The following ZNF704 variants were observed in gnomAD, a reference collection of about 807,000 sequenced individuals.
ZNF704 encodes the protein zinc finger protein 704.
A neutral mutation model predicts 44.7 loss-of-function variants in ZNF704; 10 were observed. The observed-to-expected ratio is 0.22, with a 90% CI of 0.14 to 0.38. The LOEUF (loss-of-function observed/expected upper bound fraction) is 0.38. Among genes scored for constraint, ZNF704 ranks in the 10% least tolerant of loss-of-function variants. ZNF704 has a pLI of 1.00. For missense variants in ZNF704, 390 were observed against 545.5 expected (o/e 0.71, Z 2.84); for synonymous variants, 211 against 207.6 (o/e 1.02, Z -0.14).
At position 80,774,566 on chromosome 8, in the gene ZNF704, T is replaced by C. The variant is rs536192216; in HGVS notation, c.221+46808A>G. On this transcript the variant is annotated intron_variant, in intron 2 of 8. Coordinates refer to ENST00000327835, the MANE Select transcript of ZNF704 (RefSeq NM_001033723.3). ...CCCCACACAGTCTCTGCTCACACCA[T>C]GAAGGGAAAGGGGTAATTACTGCCC... 2.6e-5 allele frequency among the ~76,000 whole-genome samples: 4 copies of C among 152,268 alleles called. No individual in the cohort carries two copies. The East Asian group carries it at 7.7e-4, about 29-fold the overall frequency.
chr8:80,841,444 A>G (rs1257064717), intron 1 of ZNF704, among the ~76,000 whole-genome samples: 3 of 151,852 alleles, frequency 2.0e-5, no homozygotes, highest in South Asian at 2.1e-4. Flanking sequence ...CCCCCAACAC[A>G]TATTTTTCAA....
intron 2 of ZNF704, among the ~76,000 whole-genome samples, chr8:80,702,685 G>A (rs185836428): frequency 2.0e-5 from 3 of 152,166 alleles, no homozygotes; most frequent in African/African-American, 7.2e-5. Flanking sequence ...AAGCGAAGGC[G>A]AGATGGAAGA....
intron 2 of ZNF704, among the ~76,000 whole-genome samples, chr8:80,769,678 T>A (rs1807286250): frequency 6.6e-6 from 1 of 152,214 alleles, no homozygotes; most frequent in Admixed American, 6.6e-5. Flanking sequence ...CATACTGCTA[T>A]CAGCATTTTT....
chr8:80,873,172 C>T (rs989437646), intron 1 of ZNF704, among the ~76,000 whole-genome samples: 6 of 152,136 alleles, frequency 3.9e-5, no homozygotes, highest in Admixed American at 3.9e-4. Flanking sequence ...AATAAAATCT[C>T]ACTCTCCCCT....
chr8:80,709,441 TCAAAAAAAAAAAAAAAAAAAAA>T (rs1470413275), intron 2 of ZNF704, among the ~76,000 whole-genome samples: 2 of 33,352 alleles, frequency 6.0e-5, no homozygotes, highest in African/African-American at 1.5e-4. Flanking sequence ...AGACTCCATC[TCAAAAAAAAAAAAAAAAAAAAA>T]AAAAAAAAAA....
intron 2 of ZNF704, among the ~76,000 whole-genome samples, chr8:80,815,407 G>C (rs941859320): frequency 6.6e-6 from 1 of 152,078 alleles, no homozygotes; most frequent in African/African-American, 2.4e-5. Context: ...TTGATGTTTG[G>C]GTGAAATCCA....
intron 6 of ZNF704, among the ~76,000 whole-genome samples, 155 bp downstream of exon 6, chr8:80,664,660 T>C (rs1361039177): frequency 6.6e-6 from 1 of 152,144 alleles, no homozygotes. Context: ...CCTATCTGTG[T>C]GAGATCTTAG....
At chr8:80,692,957 T>A (rs1818664605) in intron 3 of ZNF704, 47 bp downstream of exon 3, 2 of 1,535,098 alleles carry the variant, frequency 1.3e-6, no homozygotes, top group South Asian at 2.3e-5. Flanking sequence ...AAGGCCCTGC[T>A]CTTGGTGTCA....
At chr8:80,708,334 T>C (rs1818928765) in intron 2 of ZNF704, among the ~76,000 whole-genome samples, 1 of 152,226 alleles carries the variant, frequency 6.6e-6, no homozygotes, top group South Asian at 2.1e-4. Context: ...AGTTTACCGC[T>C]GGGCATAACA....
intron 3 of ZNF704, among the ~76,000 whole-genome samples, chr8:80,689,045 T>G (rs1818588975): frequency 6.6e-6 from 1 of 152,258 alleles, no homozygotes; most frequent in Non-Finnish European, 1.5e-5. Context: ...CGACCTTAAT[T>G]AGCATTTATA....
intron 2 of ZNF704, among the ~76,000 whole-genome samples, chr8:80,758,012 A>G (rs1807065698): frequency 6.6e-6 from 1 of 152,134 alleles, no homozygotes; most frequent in African/African-American, 2.4e-5. Flanking sequence ...TTTCTTTCTT[A>G]TACCTATGGC....
At chr8:80,758,142 C>G (rs1252660936) in intron 2 of ZNF704, among the ~76,000 whole-genome samples, 2 of 152,172 alleles carry the variant, frequency 1.3e-5, no homozygotes, top group Non-Finnish European at 2.9e-5. Context: ...TCACTGTCAT[C>G]GGAAGTATTT....
intron 2 of ZNF704, among the ~76,000 whole-genome samples, chr8:80,795,986 T>C (rs1002371361): frequency 6.6e-6 from 1 of 152,208 alleles, no homozygotes; most frequent in Non-Finnish European, 1.5e-5. Flanking sequence ...CAACTGATTT[T>C]CACTGCTCCA....
At chr8:80,656,695 C>T (rs1266258774) in intron 7 of ZNF704, among the ~76,000 whole-genome samples, 1 of 152,134 alleles carries the variant, frequency 6.6e-6, no homozygotes, top group Non-Finnish European at 1.5e-5. Context: ...AATCCTGCAA[C>T]CCTTGGGATT....
chr8:80,652,466 C>T (rs200879226), intron 7 of ZNF704, among the ~76,000 whole-genome samples: 2 of 151,462 alleles, frequency 1.3e-5, no homozygotes, highest in Non-Finnish European at 2.9e-5. Context: ...ATAGACGCAA[C>T]AAAAAATGAT....
intron 2 of ZNF704, among the ~76,000 whole-genome samples, chr8:80,727,808 G>C (rs749221409): frequency 6.6e-6 from 1 of 152,110 alleles, no homozygotes; most frequent in Non-Finnish European, 1.5e-5. Flanking sequence ...AATTAGCATC[G>C]GTATTTCTAG....
rs1387062359 is a variant in ZNF704 at position 80,638,420 on chromosome 8, C to T, written c.*2946G>A. ...TGAGCTCCCTGCGGTGGCCAGGGCT[C>T]CAGTTCCACTGCCAGCCTGCTGTGG... is the stretch of plus-strand genomic sequence containing the variant. On this transcript the variant is annotated 3_prime_UTR_variant, in exon 9 of 9. Coordinates refer to ENST00000327835, the MANE Select transcript of ZNF704 (RefSeq NM_001033723.3). The T allele has an allele frequency of 6.6e-6, 1 of 152,572 alleles. No individual in the cohort carries two copies. 9.5% of individuals were successfully genotyped at this position (152,572 alleles called of 1,614,324 possible).
Position 80,687,178 on chromosome 8 carries a change from G to A in ZNF704, c.558+48C>T, listed in dbSNP as rs750541092. ...ACCGGCCCTTCAGAGGGGACAGAAAGCACCTTCAGGAAACTGAATGCAGAA... is the reference window on the plus strand; with the variant it reads ...ACCGGCCCTTCAGAGGGGACAGAAAACACCTTCAGGAAACTGAATGCAGAA... On this transcript the variant is annotated intron_variant, in intron 4 of 8. Coordinates refer to ENST00000327835, the MANE Select transcript of ZNF704 (RefSeq NM_001033723.3). 1.4e-5 allele frequency: 21 copies of A among 1,544,096 alleles called. No individual in the cohort carries two copies. The South Asian group carries it at 2.0e-4, about 15-fold the overall frequency.
At chr8:80,832,251 T>C (rs914628881) in intron 1 of ZNF704, among the ~76,000 whole-genome samples, 1 of 152,212 alleles carries the variant, frequency 6.6e-6, no homozygotes, top group African/African-American at 2.4e-5. Flanking sequence ...TATCTATTTA[T>C]GTCCTGAATT....
Sources: gnomAD v4.1 joint callset for allele counts (sites outside exome capture counted in the v4.1 genomes callset) on GRCh38, gnomAD v4.1.1 for gene constraint, MANE v1.5 for transcripts, NCBI Gene and HGNC (gene_info 2026-07-23, HGNC 2026-07-21) for gene names.